Variants in KAT2B observed in about 807,000 individuals in gnomAD.
KAT2B encodes the protein histone acetyltransferase KAT2B.
KAT2B carries 36 observed loss-of-function variants against 105.9 expected under a neutral mutation model. The observed-to-expected ratio is 0.34, with a 90% CI of 0.26 to 0.45. The LOEUF is 0.45. KAT2B is among the 20% of genes least tolerant of loss of function. The pLI is 1.00. For missense variants in KAT2B, 820 were observed against 1,021.6 expected (o/e 0.80, Z 2.69); for synonymous variants, 397 against 377.9 (o/e 1.05, Z -0.59).
chr3:20,118,789 T>TTA (rs1699256244), intron 7 of KAT2B, among the ~76,000 whole-genome samples: 1 of 147,814 alleles, frequency 6.8e-6, no homozygotes, highest in South Asian at 2.1e-4. Flanking sequence ...TATTTATACG[T>TTA]TATATATAAA....
intron 12 of KAT2B, among the ~76,000 whole-genome samples, chr3:20,139,707 T>C (rs2125191272): frequency 6.6e-6 from 1 of 152,262 alleles, no homozygotes; most frequent in South Asian, 2.1e-4. Flanking sequence ...ATTAATGTCA[T>C]TGAAACAACC....
At chr3:20,130,554 C>A (rs938158146) in intron 11 of KAT2B, among the ~76,000 whole-genome samples, 2 of 152,082 alleles carry the variant, frequency 1.3e-5, no homozygotes, top group African/African-American at 2.4e-5. Context: ...GATAGCTATA[C>A]CAAACACCTT....
intron 6 of KAT2B, among the ~76,000 whole-genome samples, chr3:20,112,356 T>C (rs1320828245): frequency 1.3e-5 from 2 of 152,192 alleles, no homozygotes; most frequent in Non-Finnish European, 2.9e-5. Flanking sequence ...AGGCATACTT[T>C]GGTGCTCCTT....
chr3:20,114,826 C>A, intron 6 of KAT2B, 56 bp from the exon 7 acceptor site: 1 of 909,792 alleles, frequency 1.1e-6, no homozygotes, highest in African/African-American at 1.7e-5. Context: ...ATAATTAGGG[C>A]TGTTATCCTT....
intron 1 of KAT2B, among the ~76,000 whole-genome samples, chr3:20,063,273 C>T (rs1698167872): frequency 6.6e-6 from 1 of 151,532 alleles, no homozygotes; most frequent in Non-Finnish European, 1.5e-5. Flanking sequence ...TTGTTTGTTG[C>T]TCAGGCTGGT....
intron 11 of KAT2B, among the ~76,000 whole-genome samples, chr3:20,130,266 A>C (rs1056613104): frequency 2.0e-5 from 3 of 152,228 alleles, no homozygotes; most frequent in African/African-American, 7.2e-5. Flanking sequence ...TACATTCATC[A>C]TTCTGACTGG....
intron 1 of KAT2B, among the ~76,000 whole-genome samples, chr3:20,070,924 A>G (rs7638345): frequency 0.41 from 62,178 of 150,384 alleles, 13,173 homozygotes; most frequent in South Asian, 0.49. Context: ...CACAAGAATC[A>G]CTTGAACCTG....
chr3:20,048,504 GGTT>G (rs1380293287), intron 1 of KAT2B, among the ~76,000 whole-genome samples: 1 of 152,074 alleles, frequency 6.6e-6, no homozygotes, highest in Non-Finnish European at 1.5e-5. Context: ...TTAATTCTGC[GGTT>G]GTTAAGTAAA....
At chr3:20,057,800 C>A (rs551181915) in intron 1 of KAT2B, among the ~76,000 whole-genome samples, 10 of 152,216 alleles carry the variant, frequency 6.6e-5, no homozygotes, top group African/African-American at 2.2e-4. Context: ...TATTTGGTAA[C>A]AACTGGAGCC....
At chr3:20,112,521 G>C (rs1191184048) in intron 6 of KAT2B, among the ~76,000 whole-genome samples, 1 of 152,218 alleles carries the variant, frequency 6.6e-6, no homozygotes, top group Non-Finnish European at 1.5e-5. Context: ...AAGCTAAGCG[G>C]TTGGATGCTG....
chr3:20,052,706 G>A (rs1697935937), intron 1 of KAT2B, among the ~76,000 whole-genome samples: 1 of 151,904 alleles, frequency 6.6e-6, no homozygotes, highest in Non-Finnish European at 1.5e-5. Context: ...GGTGGCTCAT[G>A]CCTGTAATCC....
intron 11 of KAT2B, 149 bp downstream of exon 11, chr3:20,127,698 A>G (rs962988002): frequency 3.3e-5 from 24 of 716,432 alleles, no homozygotes; most frequent in African/African-American, 1.1e-4. Flanking sequence ...TCTCACTCCA[A>G]TGGTCTCCAA....
intron 2 of KAT2B, among the ~76,000 whole-genome samples, chr3:20,084,282 C>A (rs933280837): frequency 3.3e-5 from 5 of 152,108 alleles, no homozygotes; most frequent in African/African-American, 1.2e-4. Flanking sequence ...TTCATTTGAT[C>A]TTCCTCCACC....
At position 20,127,392 on chromosome 3, in the gene KAT2B, G is replaced by T. The variant is rs1216749564; in HGVS notation, c.1623-31G>T. On this transcript the variant is annotated intron_variant, in intron 10 of 17. Coordinates refer to ENST00000263754, the MANE Select transcript of KAT2B (RefSeq NM_003884.5). Reference sequence around the variant, plus strand: ...AAGTATATTTATATAACTAGGATAGGTAAAACTTTGACATAATCTTATTCT... The same window carrying T: ...AAGTATATTTATATAACTAGGATAGTTAAAACTTTGACATAATCTTATTCT... The T allele has an allele frequency of 3.1e-6, 5 of 1,596,380 alleles. No homozygotes were observed. The African/African-American group carries it at 6.7e-5, about 21-fold the overall frequency.
intron 2 of KAT2B, among the ~76,000 whole-genome samples, chr3:20,091,210 A>G (rs866387874): frequency 3.3e-5 from 5 of 152,128 alleles, no homozygotes; most frequent in Non-Finnish European, 5.9e-5. Context: ...CAGATTTTCT[A>G]TATTTTCATG....
intron 3 of KAT2B, 31 bp from the exon 4 acceptor site, chr3:20,099,831 C>A (rs1249864090): frequency 3.2e-6 from 4 of 1,268,168 alleles, no homozygotes; most frequent in East Asian, 2.3e-5. Flanking sequence ...TTAAGTTTTT[C>A]TTTTTCTTTT....
intron 1 of KAT2B, among the ~76,000 whole-genome samples, chr3:20,050,357 T>C (rs1281639190): frequency 6.6e-6 from 1 of 152,212 alleles, no homozygotes; most frequent in Non-Finnish European, 1.5e-5. Context: ...AATTAATTTT[T>C]ACATGTGTAT....
At position 20,148,201 on chromosome 3, in the gene KAT2B, A is replaced by G. The variant is rs761802592; in HGVS notation, c.2157-42A>G. 3 of 1,558,608 alleles carry G rather than the reference A, an allele frequency of 1.9e-6. No homozygotes were observed. The East Asian group carries it at 6.7e-5, about 35-fold the overall frequency. On this transcript the variant is annotated intron_variant, in intron 15 of 17. Transcript: ENST00000263754. ...ATAGTAATCAGCTGGCAATAGGGTA[A>G]AACTCTAATCATTGCTCCTTGTTTC...
intron 1 of KAT2B, among the ~76,000 whole-genome samples, chr3:20,069,649 C>A (rs1043936805): frequency 2.6e-5 from 4 of 151,790 alleles, no homozygotes; most frequent in African/African-American, 9.7e-5. Context: ...CCTCAGCCTC[C>A]TGAGTAGTTG....
Sources: allele counts gnomAD v4.1 joint callset (sites outside exome capture counted in the v4.1 genomes callset), GRCh38; gene constraint gnomAD v4.1.1; transcripts MANE v1.5; gene names NCBI Gene and HGNC (gene_info 2026-07-23, HGNC 2026-07-21).